The following GANC variants were observed in gnomAD, a reference collection of about 807,000 sequenced individuals.
GANC encodes the protein glucosidase alpha, neutral C.
Under a neutral mutation model 124.2 loss-of-function variants are expected in GANC, and 117 were observed. The observed-to-expected ratio is 0.94, with a 90% CI of 0.81 to 1.10. The LOEUF (loss-of-function observed/expected upper bound fraction) is 1.10. Ranked by LOEUF, GANC falls within the 50% of genes least tolerant of loss-of-function variation. The probability of loss-of-function intolerance (pLI) is 0.00; values close to 1 mark genes in which losing one functional copy is unlikely to be tolerated. For missense variants in GANC, 1,140 were observed against 1,095.0 expected (o/e 1.04, Z -0.58); for synonymous variants, 377 against 376.8 (o/e 1.00, Z -0.01).
chr15:42,330,617 G>C lies in GANC; in HGVS notation c.1686G>C (p.Gly562=). ...TAEGLIKRSK[G]KERPFVLTRS... ...AAGGACTGATAAAACGATCTAAAGG[G>C]AAGGAGAGACCCTTTGTTCTTACAC... Residue 562 remains glycine, a synonymous_variant, in exon 15 of 24, where the codon GGG becomes GGC. Coordinates refer to ENST00000318010, the MANE Select transcript of GANC (RefSeq NM_198141.3). 1 of 1,612,220 alleles carries C rather than the reference G, an allele frequency of 6.2e-7. No homozygotes were observed. The highest frequency in any genetic ancestry group is 1.3e-5 in the African/African-American group (1 of 74,920).
At chr15:42,307,237 A>G (rs74505270) in intron 7 of GANC, among the ~76,000 whole-genome samples, 1,901 of 152,190 alleles carry the variant, frequency 0.012, 25 homozygotes, top group South Asian at 0.031. Flanking sequence ...ATCATTATCT[A>G]TAGCATAGTA....
Position 42,338,481 on chromosome 15 carries a change from T to C in GANC, c.1834T>C (p.Phe612Leu). ...CACTCTCAGCATTACTGGGATCTCT[T>C]TTTGCGGAGGTAAGATGAGTCCTTT... ...LLTLSITGIS[F>L]CGADIGGFIG... The change falls in exon 16 of 24, where the codon TTT becomes CTT. Residue 612 changes from phenylalanine to leucine, a missense_variant. By Grantham distance (22) the Phe-to-Leu change is conservative. Transcript: ENST00000318010. The C allele has an allele frequency of 2.5e-6, 4 of 1,611,714 alleles. No homozygotes were observed. The highest frequency in any genetic ancestry group is 3.4e-6 in the Non-Finnish European group (4 of 1,177,906).
intron 10 of GANC, among the ~76,000 whole-genome samples, chr15:42,312,028 A>G (rs2052054699): frequency 2.0e-5 from 3 of 152,216 alleles, no homozygotes; most frequent in Non-Finnish European, 4.4e-5. Context: ...GAAATTAAAG[A>G]ATGCCTAAAT....
intron 11 of GANC, among the ~76,000 whole-genome samples, chr15:42,323,468 T>C (rs2052176869): frequency 6.6e-6 from 1 of 151,962 alleles, no homozygotes; most frequent in African/African-American, 2.4e-5. Context: ...CAGGGCTTTG[T>C]TCCAGAGGTG....
chr15:42,294,972 G>GT (rs59095643), intron 5 of GANC, among the ~76,000 whole-genome samples: 95,479 of 131,150 alleles, frequency 0.73, 37,237 homozygotes, highest in Non-Finnish European at 0.86. Context: ...TGCATTTGTA[G>GT]TTTTTTTTTT....
chr15:42,287,576 A>C, intron 3 of GANC, 115 bp from the exon 4 acceptor site: 2 of 1,077,618 alleles, frequency 1.9e-6, no homozygotes, highest in Non-Finnish European at 2.6e-6. Context: ...ATTGTTCTCC[A>C]ATTTGCTTGG....
At chr15:42,274,562 G>A (rs2051636980) in intron 1 of GANC, 52 bp downstream of exon 1, 2 of 1,520,644 alleles carry the variant, frequency 1.3e-6, no homozygotes, top group East Asian at 2.3e-5. Flanking sequence ...CTAGAAACAG[G>A]GAATAGTGTT....
intron 6 of GANC, among the ~76,000 whole-genome samples, chr15:42,299,008 A>T (rs777457789): frequency 1.1e-4 from 16 of 152,214 alleles, no homozygotes; most frequent in Non-Finnish European, 1.8e-4. Flanking sequence ...TCGTCTACAA[A>T]CAGAGACAAT....
chr15:42,304,726 T>C (rs2051977081), intron 6 of GANC, among the ~76,000 whole-genome samples: 1 of 152,200 alleles, frequency 6.6e-6, no homozygotes, highest in Non-Finnish European at 1.5e-5. Flanking sequence ...ACTACAAGGA[T>C]ACAGTAACCA....
In GANC at chr15:42,348,164, C is replaced by T; in HGVS notation, c.2366C>T (p.Thr789Ile). The T allele has an allele frequency of 1.2e-6, 2 of 1,612,718 alleles. No individual in the cohort carries two copies. The highest frequency in any genetic ancestry group is 1.7e-6 in the Non-Finnish European group (2 of 1,179,534). Residue 789 changes from threonine to isoleucine, a missense_variant, in exon 21 of 24, where the codon ACA (threonine) becomes ATA (isoleucine). Transcript: ENST00000318010. ...IPIKTTVGKS[T>I]GWMTESSYGL... ...ATAAAGACAACTGTAGGAAAATCCACAGGCTGGATGACTGAATCCTCCTAT... is the reference window on the plus strand; with the variant it reads ...ATAAAGACAACTGTAGGAAAATCCATAGGCTGGATGACTGAATCCTCCTAT...
At chr15:42,318,995 C>T (rs1159078829) in intron 10 of GANC, among the ~76,000 whole-genome samples, 1 of 152,088 alleles carries the variant, frequency 6.6e-6, no homozygotes, top group African/African-American at 2.4e-5. Context: ...TGTATTATTC[C>T]TTAGATTAAT....
intron 4 of GANC, among the ~76,000 whole-genome samples, chr15:42,292,240 C>T (rs1440232165): frequency 6.6e-6 from 1 of 152,036 alleles, no homozygotes; most frequent in Admixed American, 6.6e-5. Flanking sequence ...GTGTTATTTC[C>T]TCAGTTTCTG....
At chr15:42,287,498 T>A (rs967807052) in intron 3 of GANC, among the ~76,000 whole-genome samples, 193 bp from the exon 4 acceptor site, 1 of 152,186 alleles carries the variant, frequency 6.6e-6, no homozygotes, top group African/African-American at 2.4e-5. Flanking sequence ...GAGATATTTC[T>A]TGTTGCTGCT....
At chr15:42,345,693 G>T in intron 19 of GANC, 65 bp from the exon 20 acceptor site, 1 of 886,814 alleles carries the variant, frequency 1.1e-6, no homozygotes, top group South Asian at 1.5e-5. Flanking sequence ...ATATTTTGCT[G>T]ACTAATGAAA....
At chr15:42,326,258 A>G (rs200165045) in intron 11 of GANC, 40 bp from the exon 12 acceptor site, 8 of 1,445,566 alleles carry the variant, frequency 5.5e-6, no homozygotes, top group East Asian at 4.6e-5. Context: ...TTTGTCTTAC[A>G]TAAAACTGAT....
At chr15:42,283,138 C>T (rs776404723) in intron 3 of GANC, among the ~76,000 whole-genome samples, 1 of 152,214 alleles carries the variant, frequency 6.6e-6, no homozygotes. Context: ...GGACATAGAT[C>T]TGTTCCAAAA....
Position 42,278,573 on chromosome 15 carries a change from A to G in GANC, c.184A>G (p.Ile62Val). 1 of 1,610,454 alleles carries G rather than the reference A, an allele frequency of 6.2e-7. No individual in the cohort carries two copies. The highest frequency in any genetic ancestry group is 1.1e-5 in the South Asian group (1 of 90,634). ...TDEDSTRFQI[I>V]NEASKVPLLA... ...TGAAGACAGCACCAGGTTCCAAATC[A>G]TCAATGAAGCAAGTAAGGTGAGATG... Residue 62 changes from isoleucine (I) to valine (V), a missense_variant, in exon 3 of 24, where the codon ATC becomes GTC. Coordinates refer to ENST00000318010, the MANE Select transcript of GANC (RefSeq NM_198141.3).
intron 10 of GANC, among the ~76,000 whole-genome samples, chr15:42,316,234 C>T (rs991969147): frequency 6.6e-6 from 1 of 151,914 alleles, no homozygotes; most frequent in Non-Finnish European, 1.5e-5. Context: ...TCCCTATGTG[C>T]GGAGATGAGA....
Position 42,310,273 on chromosome 15 carries a change from T to C in GANC, c.723-10T>C, listed in dbSNP as rs745862510. The C allele has an allele frequency of 1.3e-6, 2 of 1,566,642 alleles. No individual in the cohort carries two copies. The highest frequency in any genetic ancestry group is 3.6e-5 in the Admixed American group (2 of 54,884). On this transcript the variant is annotated splice_polypyrimidine_tract_variant and intron_variant, in intron 8 of 23. Transcript: ENST00000318010. ...TGTGATGGTAATTGATGATAATCTT[T>C]GTGTTTCAGTGATGGAGATGCTTAC...
Sources: allele counts gnomAD v4.1 joint callset (sites outside exome capture counted in the v4.1 genomes callset), GRCh38; gene constraint gnomAD v4.1.1; transcripts MANE v1.5; gene names NCBI Gene and HGNC (gene_info 2026-07-23, HGNC 2026-07-21).